Variants in NT5DC1 observed in about 807,000 individuals in gnomAD.
NT5DC1 encodes 5'-nucleotidase domain-containing protein 1.
Under a neutral mutation model 59.4 loss-of-function variants are expected in NT5DC1, and 42 were observed. The ratio of observed to expected loss-of-function variants is 0.71; its 90% CI spans 0.55 to 0.92. The LOEUF (loss-of-function observed/expected upper bound fraction) is 0.92, where lower values mean the gene tolerates loss of function less well. Ranked by LOEUF, NT5DC1 falls within the 40% of genes least tolerant of loss-of-function variation. The pLI is 0.00. For synonymous variants in NT5DC1, 172 were observed against 188.1 expected (o/e 0.91, Z 0.70); for missense variants, 501 against 537.1 (o/e 0.93, Z 0.66).
chr6:116,157,314 A>G (rs1780220651), intron 6 of NT5DC1, among the ~76,000 whole-genome samples: 1 of 152,154 alleles, frequency 6.6e-6, no homozygotes, highest in African/African-American at 2.4e-5. Context: ...TCAGTTGTCA[A>G]CGTAACTTGG....
intron 6 of NT5DC1, among the ~76,000 whole-genome samples, chr6:116,208,341 G>A (rs1356063618): frequency 6.6e-6 from 1 of 151,958 alleles, no homozygotes; most frequent in South Asian, 2.1e-4. Flanking sequence ...GCTGACTTCT[G>A]TTGAAAACAA....
intron 11 of NT5DC1, among the ~76,000 whole-genome samples, chr6:116,242,136 G>A (rs1771745176): frequency 6.6e-6 from 1 of 151,270 alleles, no homozygotes; most frequent in Non-Finnish European, 1.5e-5. Context: ...TTTGGGAGGC[G>A]GAGGCGGGCG....
rs1458915794 is a variant in NT5DC1, at chr6:116,244,620, C to T, written c.*596C>T. On this transcript the variant is annotated 3_prime_UTR_variant, in exon 12 of 12. Transcript: ENST00000319550. Reference sequence around the variant, plus strand: ...AGGAAAGTACAACCAGAATTGAAAACCAACTGATCTATACCAGTTCTTTCA... The same window carrying T: ...AGGAAAGTACAACCAGAATTGAAAATCAACTGATCTATACCAGTTCTTTCA... 1 of 152,194 alleles carries T rather than the reference C, an allele frequency of 6.6e-6. No individual in the cohort carries two copies. The highest frequency in any genetic ancestry group is 6.5e-5 in the Admixed American group (1 of 15,282). The allele number at this position is 152,194 out of a possible 1,614,324, so 9.4% of individuals were successfully genotyped here. A position where few individuals can be genotyped will look rare whatever the true frequency, so the allele number is the denominator to read the frequency against.
chr6:116,110,757 T>C (rs776504424), intron 3 of NT5DC1, 93 bp from the exon 4 acceptor site: 15 of 927,130 alleles, frequency 1.6e-5, no homozygotes, highest in Non-Finnish European at 2.5e-5. Context: ...TTTTGTTAGC[T>C]CCAGTGGCAA....
intron 11 of NT5DC1, among the ~76,000 whole-genome samples, chr6:116,240,761 G>T (rs2114564568): frequency 6.6e-6 from 1 of 152,308 alleles, no homozygotes; most frequent in African/African-American, 2.4e-5. Flanking sequence ...GAGAGTCAAA[G>T]ACAATAGAAT....
chr6:116,144,648 G>C (rs76017197), intron 6 of NT5DC1, among the ~76,000 whole-genome samples: 1 of 152,152 alleles, frequency 6.6e-6, no homozygotes, highest in East Asian at 1.9e-4. Flanking sequence ...GTTAGTAAAC[G>C]GACTCTTAGA....
At chr6:116,151,126 A>G (rs977962006) in intron 6 of NT5DC1, among the ~76,000 whole-genome samples, 1 of 152,178 alleles carries the variant, frequency 6.6e-6, no homozygotes, top group East Asian at 1.9e-4. Flanking sequence ...TGCAATTTGT[A>G]TCATCTGCTC....
Position 116,106,362 on chromosome 6 carries a change from T to TA in NT5DC1, c.185+29dup, listed in dbSNP as rs759839310. 16 of 760,238 alleles carry TA rather than the reference T, an allele frequency of 2.1e-5. No homozygotes were observed. In the African/African-American group the frequency reaches 3.0e-4, roughly 14 times the overall value. 47.1% of individuals were successfully genotyped at this position (760,238 alleles called of 1,614,324 possible). ...TAAGTTCTTTTTTTTTTTTTTTTTT[T>TA]AAGTCTGTACATTTCCTGTGGTTCT... On this transcript the variant is annotated intron_variant, in intron 2 of 11. Coordinates refer to ENST00000319550, the MANE Select transcript of NT5DC1 (RefSeq NM_152729.3).
At chr6:116,234,491 C>G (rs918089431) in intron 8 of NT5DC1, among the ~76,000 whole-genome samples, 1 of 151,784 alleles carries the variant, frequency 6.6e-6, no homozygotes, top group Non-Finnish European at 1.5e-5. Flanking sequence ...AGGTGTGCAA[C>G]CCCATACCCA....
chr6:116,147,942 C>T (rs1262230280), intron 6 of NT5DC1, among the ~76,000 whole-genome samples: 6 of 151,130 alleles, frequency 4.0e-5, no homozygotes, highest in Non-Finnish European at 7.4e-5. Context: ...GCTGAGATCG[C>T]GCCACTGCAC....
At chr6:116,123,234 G>T (rs1779189504) in intron 6 of NT5DC1, among the ~76,000 whole-genome samples, 1 of 151,992 alleles carries the variant, frequency 6.6e-6, no homozygotes, top group Non-Finnish European at 1.5e-5. Context: ...GAGTGCATTG[G>T]GCGTCATCCG....
intron 10 of NT5DC1, 53 bp from the exon 11 acceptor site, chr6:116,238,902 G>A: frequency 8.8e-7 from 1 of 1,133,500 alleles, no homozygotes; most frequent in East Asian, 2.4e-5. Context: ...AAAAAATTAT[G>A]AGATTGAACA....
intron 1 of NT5DC1, among the ~76,000 whole-genome samples, chr6:116,104,704 G>T (rs1231915210): frequency 6.6e-6 from 1 of 152,204 alleles, no homozygotes; most frequent in Non-Finnish European, 1.5e-5. Context: ...ATTTGCTGGT[G>T]TGCCAGGCTC....
Position 116,248,498 on chromosome 6 carries a change from T to A in NT5DC1, c.*4474T>A, listed in dbSNP as rs1771888620. The A allele has an allele frequency of 6.6e-6, 1 of 152,226 alleles. No homozygotes were observed. Among genetic ancestry groups the A allele is most frequent in the African/African-American group, 2.4e-5 (1 of 41,448 alleles). 9.4% of individuals were successfully genotyped at this position (152,226 alleles called of 1,614,324 possible). On this transcript the variant is annotated 3_prime_UTR_variant, in exon 12 of 12. Transcript: ENST00000319550. Reference sequence around the variant, plus strand: ...TAATGATGAAAACATTTAAGGACGTTGAGTTAACTGGAGATAAAGCAGCAG... The same window carrying A: ...TAATGATGAAAACATTTAAGGACGTAGAGTTAACTGGAGATAAAGCAGCAG...
At chr6:116,118,764 A>G (rs746739108) in intron 6 of NT5DC1, among the ~76,000 whole-genome samples, 1 of 152,068 alleles carries the variant, frequency 6.6e-6, no homozygotes, top group African/African-American at 2.4e-5. Flanking sequence ...TGATTTTGTC[A>G]TTTTTCTATC....
chr6:116,130,569 T>G (rs1040762617), intron 6 of NT5DC1, among the ~76,000 whole-genome samples: 7 of 152,132 alleles, frequency 4.6e-5, no homozygotes, highest in African/African-American at 1.7e-4. Context: ...ACAGTCTGAG[T>G]GCCTGGATGT....
intron 6 of NT5DC1, among the ~76,000 whole-genome samples, chr6:116,214,151 T>C (rs1354616394): frequency 1.3e-5 from 2 of 152,072 alleles, no homozygotes; most frequent in African/African-American, 4.8e-5. Context: ...GATTCAAACT[T>C]AGGCCATTTG....
At chr6:116,229,840 A>G (rs761743432) in intron 8 of NT5DC1, among the ~76,000 whole-genome samples, 1 of 151,892 alleles carries the variant, frequency 6.6e-6, no homozygotes, top group East Asian at 1.9e-4. Context: ...TCACCAATAC[A>G]CTGACTCTGA....
chr6:116,152,712 A>G (rs559194152), intron 6 of NT5DC1, among the ~76,000 whole-genome samples: 1 of 152,076 alleles, frequency 6.6e-6, no homozygotes, highest in African/African-American at 2.4e-5. Context: ...CCATCTTTTT[A>G]CAGCCATACT....
Sources: gnomAD v4.1 joint callset for allele counts (sites outside exome capture counted in the v4.1 genomes callset) on GRCh38, gnomAD v4.1.1 for gene constraint, MANE v1.5 for transcripts, NCBI Gene and HGNC (gene_info 2026-07-23, HGNC 2026-07-21) for gene names.